FGA: variants seen among roughly 807,000 people sequenced by gnomAD.
FGA encodes the protein fibrinogen alpha chain, also known as fibrinogen, A alpha polypeptide.
A neutral mutation model predicts 20.3 loss-of-function variants in FGA; 20 were observed. The ratio of observed to expected loss-of-function variants is 0.99; its 90% CI spans 0.69 to 1.43. The LOEUF (loss-of-function observed/expected upper bound fraction) is 1.43, where lower values mean the gene tolerates loss of function less well. Ranked by LOEUF, FGA falls within the 40% of genes most tolerant of loss-of-function variation. The pLI is 0.00. For synonymous variants in FGA, 306 were observed against 281.6 expected (o/e 1.09, Z -0.87); for missense variants, 777 against 784.7 (o/e 0.99, Z 0.12).
downstream of FGA, chr4:154,583,263 T>C (rs937145103): frequency 6.6e-6 from 1 of 152,084 alleles, no homozygotes; most frequent in Admixed American, 6.5e-5. Flanking sequence ...CCAAAGTAAA[T>C]GGGTTGAATT....
At chr4:154,584,066 T>C, downstream of FGA, 1 of 836,054 alleles carries the variant, frequency 1.2e-6, no homozygotes, top group Non-Finnish European at 1.7e-6. Context: ...ACCTTTTGTA[T>C]TTTCTCTCCA....
At chr4:154,587,465 C>T (rs1243803659) in intron 4 of FGA, 47 bp downstream of exon 4, 2 of 1,569,934 alleles carry the variant, frequency 1.3e-6, no homozygotes, top group East Asian at 4.5e-5. Flanking sequence ...CTTCCTTTTC[C>T]CTCTACTCAG....
At chr4:154,587,910 G>T (rs1383947380) in intron 3 of FGA, among the ~76,000 whole-genome samples, 1 of 152,154 alleles carries the variant, frequency 6.6e-6, no homozygotes. Context: ...TTTGGATAAT[G>T]TTATGCCCTG....
At chr4:154,589,025 A>G in intron 2 of FGA, 49 bp from the exon 3 acceptor site, 2 of 1,503,756 alleles carry the variant, frequency 1.3e-6, no homozygotes, top group Non-Finnish European at 1.9e-6. Context: ...TCTCAGATTC[A>G]GAATAATTTT....
chr4:154,584,088 A>AAGAAGACAGAGTGCTCCCATTCCCACTT, downstream of FGA: 1 of 866,520 alleles, frequency 1.2e-6, no homozygotes, highest in Non-Finnish European at 1.6e-6. Flanking sequence ...TTCTCTAGCA[A>AAGAAGACAGAGTGCTCCCATTCCCACTT]AGAAGACAGA....
At position 154,586,502 on chromosome 4, in the gene FGA, G is replaced by A; in HGVS notation, c.927C>T (p.Asn309=). ...TCCCTCCAGTCCCAGAGCTCCCAGG[G>A]TTTCGGTTTCCAGTACTTCCAGGTC... ...SSGPGSTGNR[N]PGSSGTGGTA... is the part of the protein sequence containing the mutation. The change falls in exon 5 of 5, where the codon AAC becomes AAT. Residue 309 remains asparagine, a synonymous_variant. Transcript: ENST00000403106. 6.2e-7 allele frequency: 1 copy of A among 1,613,812 alleles called. No homozygotes were observed. The highest frequency in any genetic ancestry group is 8.5e-7 in the Non-Finnish European group (1 of 1,179,980).
chr4:154,588,874 A>T lies in FGA; in HGVS notation c.283T>A (p.Tyr95Asn), dbSNP rs1460369943. 6.2e-7 allele frequency: 1 copy of T among 1,610,618 alleles called. No individual in the cohort carries two copies. Among genetic ancestry groups the T allele is most frequent in the African/African-American group, 1.3e-5 (1 of 74,842 alleles). The change falls in exon 3 of 5, where the codon TAT becomes AAT. Residue 95 changes from tyrosine to asparagine, a missense_variant. Tyr to Asn is a moderately radical substitution (Grantham distance 143). Coordinates refer to ENST00000403106, the MANE Select transcript of FGA (RefSeq NM_021871.4). The stretch of plus-strand genomic sequence containing the variant: ...TGAGAATCCTTATTGTTCTTCTGAT[A>T]TTCAAATAGTGAATTTTTGAGCTTA... The part of the protein sequence containing the change: ...INKLKNSLFE[Y>N]QKNNKDSHSL...
chr4:154,584,333 TC>T (rs1192611680), downstream of FGA: 4 of 1,613,962 alleles, frequency 2.5e-6, no homozygotes, highest in Non-Finnish European at 3.4e-6. Flanking sequence ...TCTGCACAGT[TC>T]TCTTCCCACT....
intron 3 of FGA, 87 bp from the exon 4 acceptor site, chr4:154,587,744 G>GTA: frequency 1.9e-6 from 1 of 513,324 alleles, no homozygotes; most frequent in East Asian, 3.9e-5. Context: ...AAGGAAGGAA[G>GTA]GAGAAAGAAA....
rs751199653 is a variant in FGA, at chr4:154,585,826, G to A, written c.1603C>T (p.Pro535Ser). Residue 535 changes from proline (P) to serine (S), a missense_variant, in exon 5 of 5, where the codon CCT (proline) becomes TCT (serine). By Grantham distance (74) the Pro-to-Ser change is moderately conservative. Transcript: ENST00000403106. ...TGKTFPGFFS[P>S]MLGEFVSETE... Reference sequence around the variant, plus strand: ...TCACTGACAAACTCTCCTAACATAGGTGAGAAGAAACCTGGGAATGTTTTT... The same window carrying A: ...TCACTGACAAACTCTCCTAACATAGATGAGAAGAAACCTGGGAATGTTTTT... 1.2e-6 allele frequency: 2 copies of A among 1,614,142 alleles called. No individual in the cohort carries two copies. Among genetic ancestry groups the A allele is most frequent in the Non-Finnish European group, 1.7e-6 (2 of 1,180,018 alleles).
chr4:154,588,626 G>A (rs1333850720), intron 3 of FGA, among the ~76,000 whole-genome samples, 167 bp downstream of exon 3: 3 of 151,968 alleles, frequency 2.0e-5, no homozygotes, highest in South Asian at 2.1e-4. Context: ...AAAAAATAAC[G>A]AAAACAAAAG....
chr4:154,585,158 G>A (rs564686907), downstream of FGA: 17 of 1,027,046 alleles, frequency 1.7e-5, no homozygotes, highest in African/African-American at 2.4e-4. Context: ...TGACCTAAAT[G>A]TCAACTGAGA....
In FGA at chr4:154,585,469, A is replaced by C; in HGVS notation, c.*25T>G. 1 of 1,438,362 alleles carries C rather than the reference A, an allele frequency of 7.0e-7. No individual in the cohort carries two copies. The highest frequency in any genetic ancestry group is 9.8e-7 in the Non-Finnish European group (1 of 1,021,002). 89.1% of individuals were successfully genotyped at this position (1,438,362 alleles called of 1,614,324 possible). A position where few individuals can be genotyped will look rare whatever the true frequency, so the allele number is the denominator to read the frequency against. On this transcript the variant is annotated 3_prime_UTR_variant, in exon 5 of 5. Transcript: ENST00000403106. The stretch of plus-strand genomic sequence containing the variant: ...AGGAAATGCAAGGGGCCATGGGAAC[A>C]CTGTGCAGAAATATTTAACTTAGTC...
chr4:154,584,454 G>A (rs1405033377), downstream of FGA: 2 of 1,614,158 alleles, frequency 1.2e-6, no homozygotes, highest in Non-Finnish European at 1.7e-6. Context: ...TGCCTTCATA[G>A]GAGGAGACTT....
chr4:154,586,356 C>G lies in FGA; in HGVS notation c.1073G>C (p.Gly358Ala). ...TTCAGAGCTGCCAGGATTCCAGGTT[C>G]CGGTACTACCAGGTCTAGGGCTCCC... is the stretch of plus-strand genomic sequence containing the variant. ...NPGSPRPGST[G>A]TWNPGSSERG... The change falls in exon 5 of 5, where the codon GGA becomes GCA. Residue 358 changes from glycine to alanine, a missense_variant. Coordinates refer to ENST00000403106, the MANE Select transcript of FGA (RefSeq NM_021871.4). 2 of 1,614,216 alleles carry G rather than the reference C, an allele frequency of 1.2e-6. No individual in the cohort carries two copies. The highest frequency in any genetic ancestry group is 1.7e-6 in the Non-Finnish European group (2 of 1,180,048).
chr4:154,589,665 C>A, intron 1 of FGA, 103 bp from the exon 2 acceptor site: 1 of 1,307,400 alleles, frequency 7.6e-7, no homozygotes, highest in Non-Finnish European at 1.1e-6. Context: ...ATGGCACTCT[C>A]ACAGAGATTA....
intron 1 of FGA, among the ~76,000 whole-genome samples, chr4:154,590,265 A>ATG (rs1292465068): frequency 6.6e-6 from 1 of 152,230 alleles, no homozygotes; most frequent in African/African-American, 2.4e-5. Flanking sequence ...AAGAAAACAA[A>ATG]TCTTACCATA....
intron 1 of FGA, among the ~76,000 whole-genome samples, chr4:154,590,257 GA>G (rs2110821593): frequency 6.6e-6 from 1 of 152,216 alleles, no homozygotes; most frequent in South Asian, 2.1e-4. Flanking sequence ...AATAACTAAA[GA>G]AAACAAATCT....
chr4:154,586,352 G>T lies in FGA; in HGVS notation c.1077C>A (p.Thr359=), dbSNP rs369650423. The change falls in exon 5 of 5, where the codon ACC becomes ACA. Residue 359 remains threonine (T), a synonymous_variant. Coordinates refer to ENST00000403106, the MANE Select transcript of FGA (RefSeq NM_021871.4). ...PGSPRPGSTG[T]WNPGSSERGS... is the part of the protein sequence containing the mutation. ...CGCGTTCAGAGCTGCCAGGATTCCA[G>T]GTTCCGGTACTACCAGGTCTAGGGC... 4.3e-6 allele frequency: 7 copies of T among 1,614,060 alleles called. No individual in the cohort carries two copies. The highest frequency in any genetic ancestry group is 2.7e-5 in the African/African-American group (2 of 74,924).
Sources: allele counts gnomAD v4.1 joint callset (sites outside exome capture counted in the v4.1 genomes callset), GRCh38; gene constraint gnomAD v4.1.1; transcripts MANE v1.5; gene names NCBI Gene and HGNC (gene_info 2026-07-23, HGNC 2026-07-21).